VTI1A: variants seen among roughly 807,000 people sequenced by gnomAD.
The protein encoded by VTI1A is vesicle transport through interaction with t-SNAREs homolog 1A.
Under a neutral mutation model 34.9 loss-of-function variants are expected in VTI1A, and 22 were observed. That is an observed-to-expected ratio of 0.63 (90% CI 0.45 to 0.90). VTI1A has a LOEUF of 0.90. VTI1A is among the 40% of genes least tolerant of loss of function. VTI1A has a pLI of 0.00. For missense variants in VTI1A, 268 were observed against 275.6 expected, an observed-to-expected ratio of 0.97 and a Z score of 0.20; for synonymous variants, 87 against 97.3, an observed-to-expected ratio of 0.89 and a Z score of 0.62.
intron 1 of VTI1A, among the ~76,000 whole-genome samples, chr10:112,455,424 CTTCCCTT>C (rs1267007374): frequency 1.3e-3 from 1 of 792 alleles, no homozygotes; most frequent in Non-Finnish European, 5.0e-3. Flanking sequence ...CCCCTTCCCC[CTTCCCTT>C]CTTCCCTCCT....
intron 3 of VTI1A, among the ~76,000 whole-genome samples, chr10:112,474,066 AC>A: frequency 6.6e-6 from 1 of 151,294 alleles, no homozygotes; most frequent in South Asian, 2.1e-4. Context: ...TATGACTATG[AC>A]TTTTTTTTTT....
chr10:112,640,522 T>G (rs1334800474), intron 5 of VTI1A, among the ~76,000 whole-genome samples: 1 of 151,214 alleles, frequency 6.6e-6, no homozygotes, highest in African/African-American at 2.4e-5. Flanking sequence ...GTAAGGAGGA[T>G]CTCAACAATC....
In VTI1A at chr10:112,538,606, C is replaced by G. The variant is rs965157596; in HGVS notation, c.427+276C>G. The G allele has an allele frequency of 9.5e-6, 3 of 315,970 alleles. No homozygotes were observed. In the Admixed American group the frequency reaches 1.4e-4, roughly 15 times the overall value. The allele number at this position is 315,970 out of a possible 1,614,324, so 19.6% of individuals were successfully genotyped here. A position where few individuals can be genotyped will look rare whatever the true frequency, so the allele number is the denominator to read the frequency against. On this transcript the variant is annotated intron_variant, in intron 5 of 7. Transcript: ENST00000393077. ...CTACATTTGTCTTAATATGCAGTTACATGTTGTCAGTTTACCCACCCGCAA... is the reference window on the plus strand; with the variant it reads ...CTACATTTGTCTTAATATGCAGTTAGATGTTGTCAGTTTACCCACCCGCAA...
the VTI1A span, among the ~76,000 whole-genome samples, chr10:112,854,586 C>G: frequency 6.6e-6 from 1 of 152,160 alleles, no homozygotes; most frequent in Non-Finnish European, 1.5e-5. Flanking sequence ...TGACTTTCGA[C>G]CGTCTCATTT....
intron 5 of VTI1A, among the ~76,000 whole-genome samples, chr10:112,645,573 AAG>A (rs1846740904): frequency 6.6e-6 from 1 of 152,216 alleles, no homozygotes; most frequent in Non-Finnish European, 1.5e-5. Flanking sequence ...TGCGTTACGT[AAG>A]ATATGAAATG....
intron 4 of VTI1A, among the ~76,000 whole-genome samples, chr10:112,532,576 A>G (rs1372783981): frequency 1.6e-4 from 25 of 152,190 alleles, no homozygotes; most frequent in Admixed American, 1.6e-3. Flanking sequence ...ATGGTTATAT[A>G]TTTTAGTTCC....
intron 3 of VTI1A, among the ~76,000 whole-genome samples, chr10:112,501,674 C>T (rs549084103): frequency 6.3e-4 from 94 of 150,016 alleles, no homozygotes; most frequent in East Asian, 5.9e-3. Flanking sequence ...CCACCTCCCG[C>T]CCTCAGAAAT....
intron 7 of VTI1A, among the ~76,000 whole-genome samples, chr10:112,742,837 G>A (rs1850741485): frequency 6.6e-6 from 1 of 152,138 alleles, no homozygotes. Context: ...GTTACAAAAA[G>A]CTATGATAAA....
At chr10:112,694,074 C>T (rs577964150) in intron 7 of VTI1A, among the ~76,000 whole-genome samples, 38 of 152,012 alleles carry the variant, frequency 2.5e-4, no homozygotes, top group African/African-American at 8.4e-4. Flanking sequence ...AGCTTGGTGG[C>T]GCGTGCCTGT....
At chr10:112,476,670 C>T (rs1167074514) in intron 3 of VTI1A, among the ~76,000 whole-genome samples, 1 of 152,140 alleles carries the variant, frequency 6.6e-6, no homozygotes, top group African/African-American at 2.4e-5. Flanking sequence ...ACAAACTGAA[C>T]TAGAAGATTT....
At chr10:112,460,055 A>G (rs1228483482) in intron 1 of VTI1A, among the ~76,000 whole-genome samples, 1 of 152,176 alleles carries the variant, frequency 6.6e-6, no homozygotes, top group Admixed American at 6.5e-5. Context: ...TATTTATTCC[A>G]TTACACCTGA....
intron 7 of VTI1A, among the ~76,000 whole-genome samples, chr10:112,774,391 A>G (rs563805217): frequency 1.3e-5 from 2 of 152,306 alleles, no homozygotes; most frequent in Non-Finnish European, 2.9e-5. Flanking sequence ...GCCATTGACC[A>G]TCCAGGGGCC....
chr10:112,591,016 G>A (rs1023146092), intron 5 of VTI1A, among the ~76,000 whole-genome samples: 10 of 152,134 alleles, frequency 6.6e-5, no homozygotes, highest in Admixed American at 1.3e-4. Context: ...CAAGAGAATC[G>A]CTTGAACGCA....
chr10:112,840,407 C>T, the VTI1A span, among the ~76,000 whole-genome samples: 1 of 152,210 alleles, frequency 6.6e-6, no homozygotes, highest in African/African-American at 2.4e-5. Flanking sequence ...TCCCACTCCT[C>T]TGCCTGTCTC....
intron 7 of VTI1A, among the ~76,000 whole-genome samples, chr10:112,742,000 AAAAT>A (rs927721950): frequency 2.0e-4 from 31 of 152,356 alleles, no homozygotes; most frequent in Admixed American, 4.6e-4. Flanking sequence ...GCAAGTAAAA[AAAAT>A]AAATAAATCA....
chr10:112,842,348 C>T, the VTI1A span, among the ~76,000 whole-genome samples: 14 of 152,274 alleles, frequency 9.2e-5, no homozygotes, highest in East Asian at 2.7e-3. Context: ...CTCACCTTGG[C>T]TTCCCATTAC....
At chr10:112,791,300 A>G (rs762954470) in intron 7 of VTI1A, among the ~76,000 whole-genome samples, 6 of 152,236 alleles carry the variant, frequency 3.9e-5, no homozygotes, top group Non-Finnish European at 7.3e-5. Context: ...TTTTGTCTAG[A>G]CAGAGAAGAC....
the VTI1A span, among the ~76,000 whole-genome samples, chr10:112,841,182 G>A: frequency 6.6e-6 from 1 of 152,102 alleles, no homozygotes; most frequent in Non-Finnish European, 1.5e-5. Context: ...AAGACACTGC[G>A]GGACTCCTGG....
At chr10:112,618,492 T>C (rs1324215725) in intron 5 of VTI1A, among the ~76,000 whole-genome samples, 1 of 66,538 alleles carries the variant, frequency 1.5e-5, no homozygotes, top group Non-Finnish European at 2.4e-5. Flanking sequence ...GATTATATTA[T>C]ATATATATAT....
Sources: gnomAD v4.1 joint callset for allele counts (sites outside exome capture counted in the v4.1 genomes callset) on GRCh38, gnomAD v4.1.1 for gene constraint, MANE v1.5 for transcripts, NCBI Gene and HGNC (gene_info 2026-07-23, HGNC 2026-07-21) for gene names.